Variants in SRGAP1 observed in about 807,000 individuals in gnomAD.
SRGAP1 encodes SLIT-ROBO Rho GTPase activating protein 1.
SRGAP1 carries 43 observed loss-of-function variants against 121.9 expected under a neutral mutation model. That is an observed-to-expected ratio of 0.35 (90% CI 0.28 to 0.46). SRGAP1 has a LOEUF of 0.46. SRGAP1 is among the 20% of genes least tolerant of loss of function. SRGAP1 has a pLI of 1.00. For synonymous variants in SRGAP1, 447 were observed against 485.4 expected (o/e 0.92, Z 1.04); for missense variants, 1,102 against 1,350.9 (o/e 0.82, Z 2.89).
chr12:63,995,939 T>A (rs2033686604), intron 3 of SRGAP1, among the ~76,000 whole-genome samples: 1 of 151,502 alleles, frequency 6.6e-6, no homozygotes, highest in Admixed American at 6.6e-5. Flanking sequence ...CCATTTAAAA[T>A]AGGTTAATAT....
intron 3 of SRGAP1, among the ~76,000 whole-genome samples, chr12:64,013,896 G>A (rs892978891): frequency 6.6e-6 from 1 of 152,132 alleles, no homozygotes; most frequent in Non-Finnish European, 1.5e-5. Flanking sequence ...CAGTGGGGAG[G>A]GACATCAAAG....
At chr12:64,070,503 T>C (rs888335414) in intron 8 of SRGAP1, among the ~76,000 whole-genome samples, 8 of 152,176 alleles carry the variant, frequency 5.3e-5, no homozygotes, top group Non-Finnish European at 4.4e-5. Context: ...AAACAACTAG[T>C]CTCTCTCAAA....
chr12:64,061,935 T>C (rs1565662722), intron 6 of SRGAP1, among the ~76,000 whole-genome samples: 1 of 152,264 alleles, frequency 6.6e-6, no homozygotes, highest in Non-Finnish European at 1.5e-5. Flanking sequence ...TATTAGTTTG[T>C]AGACATTTAG....
chr12:63,929,718 C>G (rs2031399988), intron 1 of SRGAP1, among the ~76,000 whole-genome samples: 1 of 152,014 alleles, frequency 6.6e-6, no homozygotes, highest in Non-Finnish European at 1.5e-5. Context: ...AAAAACCTTA[C>G]CAGAGAAAAC....
At chr12:64,137,257 A>G (rs1278863309) in intron 21 of SRGAP1, among the ~76,000 whole-genome samples, 1 of 150,748 alleles carries the variant, frequency 6.6e-6, no homozygotes, top group Non-Finnish European at 1.5e-5. Context: ...TGACACAGTG[A>G]GACTCCGTCT....
chr12:64,132,694 A>G (rs2036803371), intron 21 of SRGAP1, among the ~76,000 whole-genome samples: 2 of 152,230 alleles, frequency 1.3e-5, no homozygotes, highest in South Asian at 4.1e-4. Context: ...CAATAAGTCC[A>G]GTGTGTTTGC....
rs539543956 is a variant in SRGAP1 at position 64,081,794 on chromosome 12, G to A, written c.1408+1424G>A. The A allele has an allele frequency of 4.0e-5, 6 of 151,458 alleles. No homozygotes were observed. The East Asian group carries it at 5.8e-4, about 15-fold the overall frequency. The allele number at this position is 151,458 out of a possible 1,614,324, so 9.4% of individuals were successfully genotyped here. Reference sequence around the variant, plus strand: ...CAAATGGTTCTAAAAAAAAAAAGAGGGAGAGAGAAAGAAGGTACAGTCAAT... The same window carrying A: ...CAAATGGTTCTAAAAAAAAAAAGAGAGAGAGAGAAAGAAGGTACAGTCAAT... On this transcript the variant is annotated intron_variant, in intron 10 of 21. Coordinates refer to ENST00000355086, the MANE Select transcript of SRGAP1 (RefSeq NM_020762.4).
At chr12:63,867,691 TCAATAA>T (rs148638266) in intron 1 of SRGAP1, among the ~76,000 whole-genome samples, 2 of 152,272 alleles carry the variant, frequency 1.3e-5, no homozygotes, top group East Asian at 3.9e-4. Context: ...TAGTAAGGGC[TCAATAA>T]CAATGAGTTG....
At chr12:64,048,453 C>T (rs554757890) in intron 6 of SRGAP1, among the ~76,000 whole-genome samples, 167 of 152,262 alleles carry the variant, frequency 1.1e-3, no homozygotes, top group African/African-American at 3.6e-3. Flanking sequence ...AATAGTGCTG[C>T]AGTAAACATG....
At chr12:63,997,065 C>G (rs988365193) in intron 3 of SRGAP1, among the ~76,000 whole-genome samples, 3 of 152,026 alleles carry the variant, frequency 2.0e-5, no homozygotes, top group Non-Finnish European at 2.9e-5. Flanking sequence ...GTGTGATTGG[C>G]CTGGCTTTAA....
chr12:64,100,867 T>TGA (rs1221006670), intron 15 of SRGAP1, among the ~76,000 whole-genome samples: 2 of 152,180 alleles, frequency 1.3e-5, no homozygotes, highest in African/African-American at 4.8e-5. Flanking sequence ...ATAAATCCTT[T>TGA]GAGTAGCATA....
chr12:64,032,917 A>G (rs906252415), intron 4 of SRGAP1, among the ~76,000 whole-genome samples: 2 of 152,102 alleles, frequency 1.3e-5, no homozygotes, highest in Non-Finnish European at 2.9e-5. Flanking sequence ...ATTTTTTATC[A>G]TTATACAAAG....
intron 1 of SRGAP1, among the ~76,000 whole-genome samples, chr12:63,889,015 A>G (rs1287636698): frequency 2.0e-5 from 3 of 152,140 alleles, no homozygotes; most frequent in Non-Finnish European, 2.9e-5. Flanking sequence ...AACCCTACCC[A>G]TAGCTGCTGC....
intron 3 of SRGAP1, among the ~76,000 whole-genome samples, chr12:63,998,722 C>T (rs942823867): frequency 1.5e-4 from 23 of 152,136 alleles, no homozygotes; most frequent in African/African-American, 5.3e-4. Flanking sequence ...CTCAGCCTGC[C>T]ATTTGACTCT....
chr12:64,018,998 A>T (rs2034478316), intron 4 of SRGAP1, among the ~76,000 whole-genome samples: 1 of 152,202 alleles, frequency 6.6e-6, no homozygotes, highest in Non-Finnish European at 1.5e-5. Flanking sequence ...CTTTGCTTAG[A>T]CATTGTTTTA....
Position 64,115,890 on chromosome 12 carries a change from G to C in SRGAP1, c.2221G>C (p.Asp741His). Residue 741 changes from aspartate (D) to histidine (H), a missense_variant, in exon 18 of 22, where the codon GAT becomes CAT. Transcript: ENST00000355086. ...TGGTACAGAGCCCCACACAAGTGAAGATGGTATGCTCTCCCCTTATGCTAT... is the reference window on the plus strand; with the variant it reads ...TGGTACAGAGCCCCACACAAGTGAACATGGTATGCTCTCCCCTTATGCTAT... ...DAGTEPHTSE[D>H]ECEPIEAIAK... 1 of 1,611,272 alleles carries C rather than the reference G, an allele frequency of 6.2e-7. No homozygotes were observed. Among genetic ancestry groups the C allele is most frequent in the Non-Finnish European group, 8.5e-7 (1 of 1,178,424 alleles).
chr12:64,028,817 C>T (rs551175339), intron 4 of SRGAP1, among the ~76,000 whole-genome samples: 1 of 152,306 alleles, frequency 6.6e-6, no homozygotes, highest in East Asian at 1.9e-4. Flanking sequence ...CAACATATGA[C>T]GTTGTGGTGG....
chr12:64,021,925 A>T (rs2034559274), intron 4 of SRGAP1, among the ~76,000 whole-genome samples: 1 of 152,214 alleles, frequency 6.6e-6, no homozygotes, highest in Admixed American at 6.5e-5. Flanking sequence ...TTTGAGTTAA[A>T]CATTTGAAAG....
intron 4 of SRGAP1, among the ~76,000 whole-genome samples, chr12:64,027,648 G>A (rs1196605969): frequency 3.3e-5 from 5 of 152,124 alleles, no homozygotes; most frequent in Non-Finnish European, 7.3e-5. Context: ...CTACTAAAAC[G>A]AGATTGCAAA....
Sources: allele counts gnomAD v4.1 joint callset (sites outside exome capture counted in the v4.1 genomes callset), GRCh38; gene constraint gnomAD v4.1.1; transcripts MANE v1.5; gene names NCBI Gene and HGNC (gene_info 2026-07-23, HGNC 2026-07-21).